The following MRPL22 variants were observed in gnomAD, a reference collection of about 807,000 sequenced individuals.
MRPL22 encodes mitochondrial ribosomal protein L22.
Under a neutral mutation model 32.4 loss-of-function variants are expected in MRPL22, and 27 were observed. The ratio of observed to expected loss-of-function variants is 0.83; its 90% CI spans 0.61 to 1.15. MRPL22 has a LOEUF of 1.15. Among genes scored for constraint, MRPL22 ranks in the 50% most tolerant of loss-of-function variants. The pLI is 0.00. For synonymous variants in MRPL22, 86 were observed against 87.3 expected (o/e 0.99, Z 0.08); for missense variants, 239 against 260.2 (o/e 0.92, Z 0.56).
chr5:154,964,847 A>G (rs1456446833), intron 6 of MRPL22, among the ~76,000 whole-genome samples: 1 of 152,156 alleles, frequency 6.6e-6, no homozygotes, highest in Non-Finnish European at 1.5e-5. Flanking sequence ...GGATAGAGAA[A>G]TGATTTTGGA....
At chr5:154,958,924 C>T (rs958829916) in intron 5 of MRPL22, 4 of 152,052 alleles carry the variant, frequency 2.6e-5, no homozygotes, top group African/African-American at 9.7e-5. Context: ...TGATAATTAA[C>T]CTCTTCAAGG....
At chr5:154,959,722 C>G (rs1055155812) in intron 5 of MRPL22, among the ~76,000 whole-genome samples, 2 of 152,152 alleles carry the variant, frequency 1.3e-5, no homozygotes, top group East Asian at 3.8e-4. Flanking sequence ...TTACAAGCAC[C>G]GCTATCTCCT....
At chr5:154,945,128 G>A (rs1165035025) in intron 2 of MRPL22, among the ~76,000 whole-genome samples, 1 of 152,142 alleles carries the variant, frequency 6.6e-6, no homozygotes, top group Non-Finnish European at 1.5e-5. Context: ...GAATAGACTG[G>A]GGTGGGGATG....
intron 2 of MRPL22, among the ~76,000 whole-genome samples, chr5:154,946,594 A>C (rs972332205): frequency 6.6e-6 from 1 of 151,980 alleles, no homozygotes; most frequent in African/African-American, 2.4e-5. Flanking sequence ...TGGGTGGATC[A>C]CCTGAGGTCA....
At chr5:154,959,429 C>T (rs1764673451) in intron 5 of MRPL22, among the ~76,000 whole-genome samples, 1 of 152,072 alleles carries the variant, frequency 6.6e-6, no homozygotes, top group African/African-American at 2.4e-5. Context: ...CTGCAGCCTC[C>T]ACCTCCTGGG....
intron 5 of MRPL22, 66 bp from the exon 6 acceptor site, chr5:154,959,914 T>A: frequency 8.9e-7 from 1 of 1,121,016 alleles, no homozygotes; most frequent in Non-Finnish European, 1.3e-6. Context: ...TAATGAGAGA[T>A]GAGAAACTTA....
In MRPL22 at chr5:154,966,969, A is replaced by C; in HGVS notation, c.*72A>C. Reference sequence around the variant, plus strand: ...CTAAAAATAAACAAAAATTGAAGGCAAATGCTTTTTATGATTTCTCATTGA... The same window carrying C: ...CTAAAAATAAACAAAAATTGAAGGCCAATGCTTTTTATGATTTCTCATTGA... On this transcript the variant is annotated 3_prime_UTR_variant, in exon 7 of 7. Coordinates refer to ENST00000523037, the MANE Select transcript of MRPL22 (RefSeq NM_014180.4). 7.1e-6 allele frequency: 10 copies of C among 1,415,218 alleles called. No homozygotes were observed. In the South Asian group the frequency reaches 1.3e-4, roughly 19 times the overall value. The allele number at this position is 1,415,218 out of a possible 1,614,324, so 87.7% of individuals were successfully genotyped here.
chr5:154,957,270 T>C, intron 5 of MRPL22, 58 bp downstream of exon 5: 1 of 1,406,130 alleles, frequency 7.1e-7, no homozygotes, highest in Non-Finnish European at 1.0e-6. Flanking sequence ...GCAGCTGTCT[T>C]GCAATTATTA....
intron 6 of MRPL22, among the ~76,000 whole-genome samples, chr5:154,965,219 A>G (rs928588496): frequency 1.3e-5 from 2 of 152,202 alleles, no homozygotes; most frequent in African/African-American, 2.4e-5. Flanking sequence ...TATAGTCCCT[A>G]TATTTATAAA....
In MRPL22 at chr5:154,953,362, G is replaced by GAAA. The variant is rs573134537; in HGVS notation, c.195+2448_195+2450dup. 7.4e-4 allele frequency among the ~76,000 whole-genome samples: 51 copies of GAAA among 69,234 alleles called. 1 individual carries two copies. Among genetic ancestry groups the GAAA allele is most frequent in the Non-Finnish European group, 1.1e-3 (42 of 38,272 alleles). The allele number at this position is 69,234 out of a possible 152,430, so 45.4% of individuals were successfully genotyped here. On this transcript the variant is annotated intron_variant, in intron 3 of 6. Transcript: ENST00000523037. ...GACAGAGCGAGACTCCGTCTCAGGA[G>GAAA]AAAAAAAAAAAAAAAAAAAAAAAAA...
Position 154,941,125 on chromosome 5 carries a change from A to C in MRPL22, c.15A>C (p.Val5=). 1 of 1,614,018 alleles carries C rather than the reference A, an allele frequency of 6.2e-7. No homozygotes were observed. The change falls in exon 1 of 7, where the codon GTA becomes GTC. Residue 5 remains valine, a synonymous_variant. Coordinates refer to ENST00000523037, the MANE Select transcript of MRPL22 (RefSeq NM_014180.4). ...GAGGGCGAAAGATGGCGGCGGCAGTACTGGGACAGTTGGGTAAGGATTTCT... is the reference window on the plus strand; with the variant it reads ...GAGGGCGAAAGATGGCGGCGGCAGTCCTGGGACAGTTGGGTAAGGATTTCT... MAAA[V]LGQLGALWIH...
intron 2 of MRPL22, 40 bp downstream of exon 2, chr5:154,941,305 A>T (rs777996024): frequency 6.2e-7 from 1 of 1,611,288 alleles, no homozygotes; most frequent in Admixed American, 1.7e-5. Context: ...GGCCCAAGGC[A>T]TCTTTAGTAT....
intron 4 of MRPL22, chr5:154,956,887 C>T (rs1764637250): frequency 6.9e-6 from 3 of 433,962 alleles, no homozygotes; most frequent in East Asian, 4.0e-5. Context: ...CCTGTGGTCT[C>T]TCTGTCATGT....
intron 2 of MRPL22, among the ~76,000 whole-genome samples, chr5:154,945,532 T>C (rs1363630439): frequency 2.6e-5 from 4 of 152,176 alleles, no homozygotes; most frequent in African/African-American, 9.7e-5. Context: ...CATCAATGCA[T>C]GGATAATGTT....
chr5:154,967,230 G>GA lies in MRPL22; in HGVS notation c.*333_*334insA. ...TTTTGATACTGGACTTGAATACAGT[G>GA]TTATGAGGTAAGAAAATTGCTTTTA... On this transcript the variant is annotated 3_prime_UTR_variant, in exon 7 of 7. Coordinates refer to ENST00000523037, the MANE Select transcript of MRPL22 (RefSeq NM_014180.4). The surrounding 1 kb of genome is among the most constrained non-coding windows in gnomAD (Gnocchi z 4.7). The GA allele has an allele frequency of 4.1e-6, 1 of 243,038 alleles. No individual in the cohort carries two copies. The highest frequency in any genetic ancestry group is 1.0e-4 in the East Asian group (1 of 9,842). The allele number at this position is 243,038 out of a possible 1,614,324, so 15.1% of individuals were successfully genotyped here.
In MRPL22 at chr5:154,968,632, A is replaced by T. The variant is rs930110520; in HGVS notation, c.*1735A>T. On this transcript the variant is annotated 3_prime_UTR_variant, in exon 7 of 7. Transcript: ENST00000523037. ...TTTAATAAATGCCCCAGTGATTTGC[A>T]TGTTGGAGAATTATCACACCAGGTC... 4 of 152,232 alleles carry T rather than the reference A, an allele frequency of 2.6e-5. No homozygotes were observed. The highest frequency in any genetic ancestry group is 9.6e-5 in the African/African-American group (4 of 41,460). The allele number at this position is 152,232 out of a possible 1,614,324, so 9.4% of individuals were successfully genotyped here. A position where few individuals can be genotyped will look rare whatever the true frequency, so the allele number is the denominator to read the frequency against.
At chr5:154,957,525 GTGTA>G (rs1460485889) in intron 5 of MRPL22, among the ~76,000 whole-genome samples, 1 of 152,062 alleles carries the variant, frequency 6.6e-6, no homozygotes, top group Non-Finnish European at 1.5e-5. Flanking sequence ...GTGTATTTGT[GTGTA>G]TGTATGTGTG....
At chr5:154,949,863 G>C (rs1213778648) in intron 2 of MRPL22, among the ~76,000 whole-genome samples, 1 of 152,180 alleles carries the variant, frequency 6.6e-6, no homozygotes, top group Non-Finnish European at 1.5e-5. Flanking sequence ...TAGCCTCAAT[G>C]ACCTTTCCAA....
chr5:154,955,869 T>C (rs2113540271), intron 3 of MRPL22: 1 of 154,880 alleles, frequency 6.5e-6, no homozygotes, highest in South Asian at 2.0e-4. Context: ...CTCAAGATTA[T>C]GTAGCTAGTA....
Sources: gnomAD v4.1 joint callset for allele counts (sites outside exome capture counted in the v4.1 genomes callset) on GRCh38, gnomAD v4.1.1 for gene constraint, Gnocchi (gnomAD v3.1) non-coding constraint, MANE v1.5 for transcripts, NCBI Gene and HGNC (gene_info 2026-07-23, HGNC 2026-07-21) for gene names.